DOCK10: variants seen among roughly 807,000 people sequenced by gnomAD.
The protein encoded by DOCK10 is dedicator of cytokinesis 10, also known as dedicator of cytokinesis protein 10.
Under a neutral mutation model 280.1 loss-of-function variants are expected in DOCK10, and 145 were observed. The ratio of observed to expected loss-of-function variants is 0.52; its 90% CI spans 0.45 to 0.59. The LOEUF is 0.59. DOCK10 is among the 20% of genes least tolerant of loss of function. The probability of loss-of-function intolerance (pLI) is 0.00; values close to 1 mark genes in which losing one functional copy is unlikely to be tolerated. For missense variants in DOCK10, 2,368 were observed against 2,651.7 expected, an observed-to-expected ratio of 0.89 and a Z score of 2.35; for synonymous variants, 915 against 942.2, an observed-to-expected ratio of 0.97 and a Z score of 0.53.
chr2:224,820,653 A>C (rs1393522769), intron 28 of DOCK10, among the ~76,000 whole-genome samples: 2 of 152,254 alleles, frequency 1.3e-5, no homozygotes, highest in Non-Finnish European at 2.9e-5. Flanking sequence ...CTTGCTATGG[A>C]GAGTGGACCA....
intron 1 of DOCK10, among the ~76,000 whole-genome samples, chr2:224,975,149 G>C (rs973748095): frequency 1.3e-5 from 2 of 151,836 alleles, no homozygotes; most frequent in Admixed American, 6.6e-5. Context: ...GATGATACAG[G>C]GCGTAATTGG....
At chr2:224,984,840 CTTTTTT>C (rs35558535) in intron 1 of DOCK10, among the ~76,000 whole-genome samples, 1 of 99,930 alleles carries the variant, frequency 1.0e-5, no homozygotes. Flanking sequence ...ACACAGGAAA[CTTTTTT>C]TTTTTTTTTT....
At chr2:225,037,975 T>C (rs2106145082) in intron 1 of DOCK10, among the ~76,000 whole-genome samples, 1 of 152,292 alleles carries the variant, frequency 6.6e-6, no homozygotes, top group Non-Finnish European at 1.5e-5. Flanking sequence ...GTTGACTTCT[T>C]CTCCAGGCAA....
intron 13 of DOCK10, among the ~76,000 whole-genome samples, chr2:224,863,349 A>T (rs1418815859): frequency 2.0e-5 from 3 of 152,102 alleles, no homozygotes; most frequent in Non-Finnish European, 2.9e-5. Flanking sequence ...AATATGTTAA[A>T]CTCCTTCCTA....
At chr2:224,793,251 T>C in intron 46 of DOCK10, 149 bp downstream of exon 46, 1 of 790,016 alleles carries the variant, frequency 1.3e-6, no homozygotes, top group Non-Finnish European at 2.0e-6. Flanking sequence ...CTTAAAATGT[T>C]TAAAGTACAG....
At chr2:224,924,635 G>A (rs2125991947) in intron 2 of DOCK10, among the ~76,000 whole-genome samples, 1 of 152,172 alleles carries the variant, frequency 6.6e-6, no homozygotes, top group East Asian at 1.9e-4. Context: ...TCTCATTTTG[G>A]GGCTATTATG....
In DOCK10 at chr2:224,982,166, C is replaced by T. The variant is rs534532787; in HGVS notation, c.124-50498G>A. 4.3e-4 allele frequency: 519 copies of T among 1,218,902 alleles called. 13 individuals carry two copies. The South Asian group carries it at 0.016, about 38-fold the overall frequency. The allele number at this position is 1,218,902 out of a possible 1,614,324, so 75.5% of individuals were successfully genotyped here. Reference sequence around the variant, plus strand: ...CTAAATTGTAACCTCTCTATAATAACAGTTCAATCCACTGAGGCTGCTTTA... The same window carrying T: ...CTAAATTGTAACCTCTCTATAATAATAGTTCAATCCACTGAGGCTGCTTTA... On this transcript the variant is annotated intron_variant, in intron 1 of 55. Transcript: ENST00000258390.
chr2:224,909,068 TCTC>T (rs1700846911), intron 3 of DOCK10, among the ~76,000 whole-genome samples: 2 of 152,208 alleles, frequency 1.3e-5, no homozygotes, highest in African/African-American at 2.4e-5. Context: ...TGCTCCCTCA[TCTC>T]CTTTTGTTAA....
In DOCK10 at chr2:224,886,536, T is replaced by TA; in HGVS notation, c.417-6dup. On this transcript the variant is annotated splice_region_variant and splice_polypyrimidine_tract_variant and intron_variant, in intron 4 of 55. Coordinates refer to ENST00000258390, the MANE Select transcript of DOCK10 (RefSeq NM_014689.3). ...TTCTCTGGTTTGTATTCTGCTCTGA[T>TA]ATTAAAAAAAAAAAAAGATTCTGAT... 1 of 1,571,970 alleles carries TA rather than the reference T, an allele frequency of 6.4e-7. No homozygotes were observed. The highest frequency in any genetic ancestry group is 1.6e-5 in the African/African-American group (1 of 63,160).
chr2:224,839,033 A>G (rs1429993095), intron 24 of DOCK10, among the ~76,000 whole-genome samples: 1 of 152,122 alleles, frequency 6.6e-6, no homozygotes, highest in Non-Finnish European at 1.5e-5. Context: ...TTTACTTAAG[A>G]GAAACGAAGA....
intron 4 of DOCK10, among the ~76,000 whole-genome samples, chr2:224,890,676 A>G (rs1020046895): frequency 2.0e-5 from 3 of 152,236 alleles, no homozygotes; most frequent in Admixed American, 6.5e-5. Context: ...TGAGTAAGAA[A>G]AGCTAGAAAC....
At chr2:224,911,727 G>T (rs1297271077) in intron 3 of DOCK10, among the ~76,000 whole-genome samples, 1 of 152,106 alleles carries the variant, frequency 6.6e-6, no homozygotes, top group Non-Finnish European at 1.5e-5. Context: ...TCATGTGAGA[G>T]CAATTGGAAA....
At chr2:224,943,991 C>G (rs1258742423) in intron 1 of DOCK10, among the ~76,000 whole-genome samples, 1 of 152,128 alleles carries the variant, frequency 6.6e-6, no homozygotes, top group African/African-American at 2.4e-5. Flanking sequence ...TCTCCATCTC[C>G]TGACCTTGTG....
chr2:224,840,120 T>C (rs1695866515), intron 23 of DOCK10, 48 bp from the exon 24 acceptor site: 2 of 890,712 alleles, frequency 2.2e-6, no homozygotes, highest in Non-Finnish European at 3.5e-6. Flanking sequence ...ATTTGAAGCA[T>C]GTCCTACATT....
intron 1 of DOCK10, among the ~76,000 whole-genome samples, chr2:224,952,693 C>T (rs1293881683): frequency 6.7e-6 from 1 of 149,814 alleles, no homozygotes; most frequent in African/African-American, 2.5e-5. Flanking sequence ...CCCGGGTTCA[C>T]GCCATTCTCC....
In DOCK10 at chr2:224,805,613, G is replaced by C; in HGVS notation, c.3815-84C>G. 1 of 1,559,830 alleles carries C rather than the reference G, an allele frequency of 6.4e-7. No individual in the cohort carries two copies. The highest frequency in any genetic ancestry group is 8.7e-7 in the Non-Finnish European group (1 of 1,145,588). ...AAAGGTTCACATGATGAACCAAAAA[G>C]ATGTTGATACTGAGGTAGCAGCAGT... On this transcript the variant is annotated intron_variant, in intron 34 of 55. Coordinates refer to ENST00000258390, the MANE Select transcript of DOCK10 (RefSeq NM_014689.3). This position sits in a 1 kb window ranked among gnomAD's most constrained non-coding sequence, Gnocchi z 4.3.
intron 22 of DOCK10, 146 bp downstream of exon 22, chr2:224,844,607 G>T (rs945381698): frequency 1.6e-6 from 1 of 624,952 alleles, no homozygotes; most frequent in Non-Finnish European, 2.8e-6. Context: ...ATCAAATTAT[G>T]CCCTTAACAT....
chr2:224,885,790 A>G lies in DOCK10; in HGVS notation c.628T>C (p.Tyr210His). 1 of 1,613,052 alleles carries G rather than the reference A, an allele frequency of 6.2e-7. No homozygotes were observed. ...TVTVRSFKKR[Y>H]FQLTQLPDNS... ...TCTGGTAACTGAGTCAGCTGGAAGT[A>G]GCGCTTTTTGAATGACTAAATAAAG... Residue 210 changes from tyrosine (Y) to histidine (H), a missense_variant, in exon 7 of 56, where the codon TAC (tyrosine) becomes CAC (histidine). Tyr to His is a moderately conservative substitution (Grantham distance 83). Coordinates refer to ENST00000258390, the MANE Select transcript of DOCK10 (RefSeq NM_014689.3).
chr2:224,841,655 AT>A (rs1329524148), intron 23 of DOCK10, 148 bp downstream of exon 23: 3 of 481,070 alleles, frequency 6.2e-6, no homozygotes, highest in Non-Finnish European at 1.1e-5. Flanking sequence ...AAATTATGAA[AT>A]AAAATCATTT....
Sources: allele counts gnomAD v4.1 joint callset (sites outside exome capture counted in the v4.1 genomes callset), GRCh38; gene constraint gnomAD v4.1.1; non-coding constraint Gnocchi (gnomAD v3.1); transcripts MANE v1.5; gene names NCBI Gene and HGNC (gene_info 2026-07-23, HGNC 2026-07-21).